ST8SIA4: variants seen among roughly 807,000 people sequenced by gnomAD.
The protein encoded by ST8SIA4 is ST8 alpha-N-acetyl-neuraminide alpha-2,8-sialyltransferase 4, also known as CMP-N-acetylneuraminate-poly-alpha-2,8-sialyltransferase.
A neutral mutation model predicts 33.9 loss-of-function variants in ST8SIA4; 15 were observed. That is an observed-to-expected ratio of 0.44 (90% CI 0.30 to 0.68). The LOEUF is 0.68. Among genes scored for constraint, ST8SIA4 ranks in the 30% least tolerant of loss-of-function variants. The pLI, the probability that ST8SIA4 is intolerant of heterozygous loss-of-function variation, is 0.10. For missense variants in ST8SIA4, 321 were observed against 428.0 expected (o/e 0.75, Z 2.21); for synonymous variants, 171 against 151.2 (o/e 1.13, Z -0.96).
intron 3 of ST8SIA4, among the ~76,000 whole-genome samples, chr5:100,883,345 G>A (rs1237564392): frequency 6.6e-6 from 1 of 152,148 alleles, no homozygotes; most frequent in East Asian, 1.9e-4. Flanking sequence ...CATTTGGAAC[G>A]GCTGTATTTA....
At chr5:100,887,774 C>T (rs1300871947) in intron 2 of ST8SIA4, among the ~76,000 whole-genome samples, 1 of 151,934 alleles carries the variant, frequency 6.6e-6, no homozygotes, top group Non-Finnish European at 1.5e-5. Context: ...TCTGTATGTT[C>T]GTTTATGTTA....
chr5:100,868,264 G>C lies in ST8SIA4; in HGVS notation c.504-11868C>G, dbSNP rs182174109. On this transcript the variant is annotated intron_variant, in intron 3 of 4. Transcript: ENST00000231461. ...AACCAATTTTGAAAGAATAAAAAAGGATAGAGCGGATTATAACAGAAAATG... is the reference window on the plus strand; with the variant it reads ...AACCAATTTTGAAAGAATAAAAAAGCATAGAGCGGATTATAACAGAAAATG... Among the ~76,000 whole-genome samples, 99 of 152,150 alleles carry C rather than the reference G, an allele frequency of 6.5e-4. No individual in the cohort carries two copies. In the Middle Eastern group the frequency reaches 0.01, roughly 16 times the overall value.
intron 4 of ST8SIA4, among the ~76,000 whole-genome samples, chr5:100,822,017 C>A (rs957880254): frequency 6.6e-6 from 1 of 152,188 alleles, no homozygotes; most frequent in Non-Finnish European, 1.5e-5. Flanking sequence ...AGGTGGCAGG[C>A]TTTGGGTTTT....
At chr5:100,831,631 A>G (rs896962579) in intron 4 of ST8SIA4, among the ~76,000 whole-genome samples, 25 of 152,244 alleles carry the variant, frequency 1.6e-4, no homozygotes, top group African/African-American at 6.0e-4. Context: ...ACTCTTCTTC[A>G]GCATATTTTC....
intron 3 of ST8SIA4, among the ~76,000 whole-genome samples, chr5:100,856,813 G>T (rs1751823844): frequency 6.6e-6 from 1 of 152,124 alleles, no homozygotes; most frequent in Admixed American, 6.5e-5. Context: ...ATTCTAATCT[G>T]CACCACTTGT....
At chr5:100,866,618 ATAT>A (rs1364038474) in intron 3 of ST8SIA4, among the ~76,000 whole-genome samples, 1 of 151,794 alleles carries the variant, frequency 6.6e-6, no homozygotes. Flanking sequence ...ACACAAATAC[ATAT>A]TATATATATG....
At chr5:100,875,790 G>C (rs914661356) in intron 3 of ST8SIA4, among the ~76,000 whole-genome samples, 1 of 152,056 alleles carries the variant, frequency 6.6e-6, no homozygotes, top group Non-Finnish European at 1.5e-5. Context: ...CTCTTTAAAT[G>C]TTTACAAGAA....
chr5:100,807,474 T>A lies in ST8SIA4; in HGVS notation c.*4373A>T, dbSNP rs1750719438. ...GCCTACACAAAGAAACGGTTTTTATTAAAAGGTGCTACTTAAATGAGAAAC... is the reference window on the plus strand; with the variant it reads ...GCCTACACAAAGAAACGGTTTTTATAAAAAGGTGCTACTTAAATGAGAAAC... On this transcript the variant is annotated 3_prime_UTR_variant, in exon 5 of 5. Coordinates refer to ENST00000231461, the MANE Select transcript of ST8SIA4 (RefSeq NM_005668.6). 1 of 152,532 alleles carries A rather than the reference T, an allele frequency of 6.6e-6. No homozygotes were observed. The highest frequency in any genetic ancestry group is 2.4e-5 in the African/African-American group (1 of 41,450). 9.4% of individuals were successfully genotyped at this position (152,532 alleles called of 1,614,324 possible). A position where few individuals can be genotyped will look rare whatever the true frequency, so the allele number is the denominator to read the frequency against.
Position 100,812,075 on chromosome 5 carries a change from C to T in ST8SIA4, c.852G>A (p.Met284Ile). 13 of 1,614,104 alleles carry T rather than the reference C, an allele frequency of 8.1e-6. No homozygotes were observed. Among genetic ancestry groups the T allele is most frequent in the Non-Finnish European group, 1.1e-5 (13 of 1,180,002 alleles). The change falls in exon 5 of 5, where the codon ATG becomes ATA. Residue 284 changes from methionine to isoleucine, a missense_variant. Transcript: ENST00000231461. ...PIKRPSTGLL[M>I]YTLATRFCDE... ...CACAGAATCTTGTGGCAAGTGTATA[C>T]ATGAGAAGACCTGTGCTGGGTCTTT... is the stretch of plus-strand genomic sequence containing the variant.
intron 4 of ST8SIA4, among the ~76,000 whole-genome samples, chr5:100,846,713 G>C (rs1458049518): frequency 1.3e-5 from 2 of 152,032 alleles, no homozygotes; most frequent in East Asian, 3.9e-4. Context: ...TTACAGGGGT[G>C]CTATGAAAGC....
chr5:100,887,964 C>A (rs750202000), intron 2 of ST8SIA4, among the ~76,000 whole-genome samples: 3 of 151,916 alleles, frequency 2.0e-5, no homozygotes, highest in Non-Finnish European at 2.9e-5. Flanking sequence ...AGAGATACCA[C>A]TATAAATTGG....
chr5:100,875,138 G>A (rs188756450), intron 3 of ST8SIA4, among the ~76,000 whole-genome samples: 2 of 152,114 alleles, frequency 1.3e-5, no homozygotes, highest in African/African-American at 2.4e-5. Context: ...AAGTCTAAAA[G>A]TGGGTCAAAG....
At chr5:100,880,334 G>A (rs562938599) in intron 3 of ST8SIA4, among the ~76,000 whole-genome samples, 44 of 152,306 alleles carry the variant, frequency 2.9e-4, no homozygotes, top group African/African-American at 9.4e-4. Flanking sequence ...TAAAGAGATA[G>A]TGACAGATGG....
intron 4 of ST8SIA4, among the ~76,000 whole-genome samples, chr5:100,849,622 A>G (rs927061022): frequency 2.8e-5 from 2 of 71,218 alleles, no homozygotes; most frequent in Admixed American, 1.5e-4. Flanking sequence ...CCCTTCCAAA[A>G]ATAGAGAAAA....
intron 4 of ST8SIA4, among the ~76,000 whole-genome samples, chr5:100,830,376 C>A (rs968765690): frequency 1.3e-5 from 2 of 152,060 alleles, no homozygotes; most frequent in African/African-American, 4.8e-5. Flanking sequence ...GTTATGGAGA[C>A]CAAATAAAGT....
intron 3 of ST8SIA4, among the ~76,000 whole-genome samples, chr5:100,863,137 T>C (rs1211286496): frequency 6.6e-6 from 1 of 152,180 alleles, no homozygotes; most frequent in Non-Finnish European, 1.5e-5. Context: ...AATCCCAGCA[T>C]GCAGAAAGTC....
chr5:100,864,244 G>A (rs942852488), intron 3 of ST8SIA4, among the ~76,000 whole-genome samples: 1 of 152,098 alleles, frequency 6.6e-6, no homozygotes, highest in African/African-American at 2.4e-5. Flanking sequence ...AGGGTAAAGC[G>A]TTAACTGCTG....
chr5:100,895,787 T>C lies in ST8SIA4; in HGVS notation c.114-2A>G, dbSNP rs778199249. The C allele has an allele frequency of 1.2e-6, 2 of 1,611,444 alleles. No individual in the cohort carries two copies. The highest frequency in any genetic ancestry group is 8.5e-7 in the Non-Finnish European group (1 of 1,178,518). On this transcript the variant is annotated splice_acceptor_variant, in intron 1 of 4. Transcript: ENST00000231461. LOFTEE classifies it high-confidence loss of function. ...CGACTCAAAGACAATTCACCATCTC[T>C]GAAACAAAACAAAATTGCCAGCTTT...
At chr5:100,854,842 A>G (rs1751781190) in intron 4 of ST8SIA4, among the ~76,000 whole-genome samples, 1 of 152,124 alleles carries the variant, frequency 6.6e-6, no homozygotes, top group Non-Finnish European at 1.5e-5. Flanking sequence ...GGCCCCCTGA[A>G]CTTGCCCTTC....
Sources: gnomAD v4.1 joint callset for allele counts (sites outside exome capture counted in the v4.1 genomes callset) on GRCh38, gnomAD v4.1.1 for gene constraint, MANE v1.5 for transcripts, NCBI Gene and HGNC (gene_info 2026-07-23, HGNC 2026-07-21) for gene names.